MEGF9: variants seen among roughly 807,000 people sequenced by gnomAD.
The protein encoded by MEGF9 is multiple EGF like domains 9.
Under a neutral mutation model 46.8 loss-of-function variants are expected in MEGF9, and 6 were observed. The ratio of observed to expected loss-of-function variants is 0.13; its 90% confidence interval spans 0.07 to 0.25. MEGF9 has a LOEUF of 0.25. Among genes scored for constraint, MEGF9 ranks in the 10% least tolerant of loss-of-function variants. The pLI, the probability that MEGF9 is intolerant of heterozygous loss-of-function variation, is 1.00. For synonymous variants in MEGF9, 302 were observed against 330.7 expected (o/e 0.91, Z 0.94); for missense variants, 683 against 792.4 (o/e 0.86, Z 1.66).
chr9:120,616,251 T>C (rs2043472106), intron 3 of MEGF9, among the ~76,000 whole-genome samples: 1 of 151,882 alleles, frequency 6.6e-6, no homozygotes, highest in African/African-American at 2.4e-5. Context: ...TTCATATATA[T>C]ATTTAATAAT....
At chr9:120,618,479 A>G (rs2043481975) in intron 3 of MEGF9, among the ~76,000 whole-genome samples, 1 of 152,242 alleles carries the variant, frequency 6.6e-6, no homozygotes, top group African/African-American at 2.4e-5. Flanking sequence ...TTATATGAAC[A>G]TGAAGTTCCA....
intron 2 of MEGF9, among the ~76,000 whole-genome samples, chr9:120,643,796 G>A (rs530528425): frequency 2.0e-5 from 3 of 151,224 alleles, no homozygotes; most frequent in Non-Finnish European, 2.9e-5. Flanking sequence ...CTGGGCTCAC[G>A]CGATCCTCCT....
intron 1 of MEGF9, among the ~76,000 whole-genome samples, chr9:120,687,495 G>C (rs575064502): frequency 6.6e-6 from 1 of 152,182 alleles, no homozygotes; most frequent in Admixed American, 6.5e-5. Flanking sequence ...CAGCTCAAAT[G>C]ATTATCAATA....
intron 1 of MEGF9, among the ~76,000 whole-genome samples, chr9:120,676,309 C>T (rs1253141678): frequency 6.6e-6 from 1 of 152,164 alleles, no homozygotes; most frequent in Non-Finnish European, 1.5e-5. Context: ...TAACATGTGT[C>T]TCCACTTATT....
At chr9:120,639,000 T>C (rs1404031092) in intron 2 of MEGF9, among the ~76,000 whole-genome samples, 2 of 152,188 alleles carry the variant, frequency 1.3e-5, no homozygotes, top group African/African-American at 4.8e-5. Flanking sequence ...ATTTTTGACA[T>C]TGACTTGTAA....
At chr9:120,662,230 T>G (rs75827265) in intron 1 of MEGF9, among the ~76,000 whole-genome samples, 12,246 of 152,280 alleles carry the variant, frequency 0.08, 694 homozygotes, top group South Asian at 0.18. Flanking sequence ...TATTTATTAT[T>G]TCTATAGTCA....
chr9:120,696,308 A>G (rs1436439142), intron 1 of MEGF9, among the ~76,000 whole-genome samples: 1 of 152,194 alleles, frequency 6.6e-6, no homozygotes, highest in East Asian at 1.9e-4. Flanking sequence ...CACATGCAAA[A>G]TAAGGAGAAT....
At chr9:120,651,433 A>G (rs974388011) in intron 2 of MEGF9, among the ~76,000 whole-genome samples, 3 of 152,182 alleles carry the variant, frequency 2.0e-5, no homozygotes, top group African/African-American at 7.2e-5. Context: ...CAACTCTTTT[A>G]CTTACTGGCA....
intron 3 of MEGF9, among the ~76,000 whole-genome samples, chr9:120,620,380 T>G (rs2043493646): frequency 6.6e-6 from 1 of 152,194 alleles, no homozygotes; most frequent in Admixed American, 6.5e-5. Context: ...TTGATAAAAA[T>G]TTAGTGAGTA....
chr9:120,638,901 C>T lies in MEGF9; in HGVS notation c.804-16146G>A, dbSNP rs561350237. On this transcript the variant is annotated intron_variant, in intron 2 of 5. Coordinates refer to ENST00000373930, the MANE Select transcript of MEGF9 (RefSeq NM_001080497.3). ...GCACAATCATAGCTCTCTGCAGCCTCGAACTCCTGGGCTCGAGCAAGCCTT... is the reference window on the plus strand; with the variant it reads ...GCACAATCATAGCTCTCTGCAGCCTTGAACTCCTGGGCTCGAGCAAGCCTT... 6.5e-4 allele frequency among the ~76,000 whole-genome samples: 99 copies of T among 152,198 alleles called. 1 individual carries two copies. The highest frequency in any genetic ancestry group is 9.0e-4 in the Non-Finnish European group (61 of 68,028).
rs1415053305 is a variant in MEGF9, at chr9:120,713,994, G to A, written c.365C>T (p.Pro122Leu). The change falls in exon 1 of 6, where the codon CCC becomes CTC. Residue 122 changes from proline (P) to leucine (L), a missense_variant. By Grantham distance (98) the Pro-to-Leu change is moderately conservative. Around this residue, in one of 2 missense-constraint regions of MEGF9, gnomAD observed 370 missense variants for 371.3 expected, o/e 1.00. Transcript: ENST00000373930. ...CGCCGCCGGAGGGGTGGTCGGCGAG[G>A]GGCCGAGCGGCGCCTGAAAGGTGGT... ...SSTTFQAPLG[P>L]SPTTPPAAER... The A allele has an allele frequency of 1.4e-6, 2 of 1,387,496 alleles. No homozygotes were observed. The highest frequency in any genetic ancestry group is 1.9e-6 in the Non-Finnish European group (2 of 1,065,888). The allele number at this position is 1,387,496 out of a possible 1,614,324, so 85.9% of individuals were successfully genotyped here.
chr9:120,639,745 G>T (rs945322728), intron 2 of MEGF9, among the ~76,000 whole-genome samples: 2 of 151,842 alleles, frequency 1.3e-5, no homozygotes, highest in Non-Finnish European at 2.9e-5. Flanking sequence ...CCTAAGTGTT[G>T]CTATTATTTT....
intron 1 of MEGF9, among the ~76,000 whole-genome samples, chr9:120,699,164 T>G (rs1426547991): frequency 6.6e-6 from 1 of 152,164 alleles, no homozygotes; most frequent in African/African-American, 2.4e-5. Context: ...TGATAAATAA[T>G]TTAAATGTGG....
At chr9:120,664,540 T>C (rs1295373343) in intron 1 of MEGF9, among the ~76,000 whole-genome samples, 1 of 152,192 alleles carries the variant, frequency 6.6e-6, no homozygotes, top group Admixed American at 6.5e-5. Flanking sequence ...AAAGAAATGT[T>C]ACCCTGACAA....
At chr9:120,709,828 T>C (rs1388202300) in intron 1 of MEGF9, among the ~76,000 whole-genome samples, 1 of 151,598 alleles carries the variant, frequency 6.6e-6, no homozygotes, top group Non-Finnish European at 1.5e-5. Context: ...GTGGGCAGAT[T>C]ACCTGAGGTC....
chr9:120,610,187 T>C (rs1484957745), intron 4 of MEGF9, among the ~76,000 whole-genome samples: 1 of 152,148 alleles, frequency 6.6e-6, no homozygotes, highest in Non-Finnish European at 1.5e-5. Context: ...AACAATAATA[T>C]GCAGGAAAAA....
intron 2 of MEGF9, among the ~76,000 whole-genome samples, chr9:120,631,375 A>G (rs1000365776): frequency 6.6e-6 from 1 of 152,138 alleles, no homozygotes; most frequent in Non-Finnish European, 1.5e-5. Context: ...TTTGGTTACT[A>G]AAGTTTTGTA....
intron 1 of MEGF9, among the ~76,000 whole-genome samples, chr9:120,702,648 G>A (rs2043910632): frequency 6.6e-6 from 1 of 152,284 alleles, no homozygotes; most frequent in East Asian, 1.9e-4. Context: ...TAGAGTAGGA[G>A]AATTCCTCTT....
At chr9:120,628,975 G>A (rs2043539172) in intron 2 of MEGF9, among the ~76,000 whole-genome samples, 1 of 151,336 alleles carries the variant, frequency 6.6e-6, no homozygotes, top group South Asian at 2.1e-4. Context: ...TGATGACTTT[G>A]TTTTGTTTTT....
Sources: allele counts gnomAD v4.1 joint callset (sites outside exome capture counted in the v4.1 genomes callset), GRCh38; gene constraint gnomAD v4.1.1; regional missense constraint gnomAD v4.1.1; transcripts MANE v1.5; gene names NCBI Gene and HGNC (gene_info 2026-07-23, HGNC 2026-07-21).